ALK: variants seen among roughly 807,000 people sequenced by gnomAD.
ALK encodes the protein ALK receptor tyrosine kinase.
Under a neutral mutation model 163.1 loss-of-function variants are expected in ALK, and 74 were observed. The observed-to-expected ratio is 0.45, with a 90% confidence interval of 0.38 to 0.55. The LOEUF is 0.55. Among genes scored for constraint, ALK ranks in the 20% least tolerant of loss-of-function variants. The pLI, the probability that ALK is intolerant of heterozygous loss-of-function variation, is 0.00. For missense variants in ALK, 2,063 were observed against 2,105.3 expected, an observed-to-expected ratio of 0.98 and a Z score of 0.39; for synonymous variants, 960 against 843.2, an observed-to-expected ratio of 1.14 and a Z score of -2.40.
intron 4 of ALK, among the ~76,000 whole-genome samples, chr2:29,423,917 C>G (rs13394569): frequency 6.6e-6 from 1 of 152,170 alleles, no homozygotes; most frequent in Non-Finnish European, 1.5e-5. Flanking sequence ...CTAGCATTTT[C>G]TTTGACCAGC....
At chr2:29,587,278 C>T (rs1205210931) in intron 3 of ALK, among the ~76,000 whole-genome samples, 1 of 152,172 alleles carries the variant, frequency 6.6e-6, no homozygotes, top group East Asian at 1.9e-4. Context: ...TCACTTCTTC[C>T]TTTGACTTCT....
intron 3 of ALK, among the ~76,000 whole-genome samples, chr2:29,584,875 G>A (rs190792515): frequency 4.2e-4 from 64 of 152,276 alleles, no homozygotes; most frequent in African/African-American, 1.5e-3. Context: ...TTTCTCTCTG[G>A]TCATAGTTTC....
intron 5 of ALK, among the ~76,000 whole-genome samples, chr2:29,379,981 G>A (rs190171698): frequency 1.3e-5 from 2 of 152,274 alleles, no homozygotes; most frequent in Non-Finnish European, 2.9e-5. Flanking sequence ...TCCACAGGCT[G>A]TACAGGAAGC....
chr2:29,297,277 T>C (rs911652712), intron 8 of ALK, among the ~76,000 whole-genome samples: 1 of 152,188 alleles, frequency 6.6e-6, no homozygotes, highest in African/African-American at 2.4e-5. Context: ...ATTTTTTTTC[T>C]TGGGCAGGGA....
intron 3 of ALK, among the ~76,000 whole-genome samples, chr2:29,615,663 T>C (rs9309671): frequency 0.083 from 12,698 of 152,234 alleles, 1,005 homozygotes; most frequent in African/African-American, 0.21. Context: ...GGATCCTTCA[T>C]AGCAGGGATT....
intron 4 of ALK, among the ~76,000 whole-genome samples, chr2:29,477,332 T>G (rs1573387098): frequency 6.6e-6 from 1 of 152,192 alleles, no homozygotes; most frequent in East Asian, 1.9e-4. Flanking sequence ...CACATTTACT[T>G]AAGCTTTCTG....
intron 4 of ALK, among the ~76,000 whole-genome samples, chr2:29,522,004 C>T (rs949941463): frequency 6.6e-5 from 10 of 152,244 alleles, no homozygotes; most frequent in Admixed American, 3.9e-4. Context: ...CCATTTATTG[C>T]GGACAGGAAG....
intron 1 of ALK, among the ~76,000 whole-genome samples, chr2:29,815,936 C>G (rs1664886483): frequency 6.6e-6 from 1 of 152,198 alleles, no homozygotes; most frequent in Non-Finnish European, 1.5e-5. Context: ...TAGCTTTAAT[C>G]ACATTTTACA....
intron 1 of ALK, among the ~76,000 whole-genome samples, chr2:29,901,458 T>C (rs1667413245): frequency 6.6e-6 from 1 of 152,164 alleles, no homozygotes; most frequent in Non-Finnish European, 1.5e-5. Flanking sequence ...CTTCTGAGTG[T>C]TGCACCCGCT....
intron 1 of ALK, among the ~76,000 whole-genome samples, chr2:29,911,847 G>C (rs1234036663): frequency 6.6e-6 from 1 of 152,168 alleles, no homozygotes; most frequent in Non-Finnish European, 1.5e-5. Flanking sequence ...AATTATCAAA[G>C]ACGTGAAAGA....
intron 1 of ALK, among the ~76,000 whole-genome samples, chr2:29,745,169 GTT>G (rs1680178250): frequency 6.6e-6 from 1 of 152,184 alleles, no homozygotes; most frequent in African/African-American, 2.4e-5. Flanking sequence ...TTTCATTTCA[GTT>G]TCAATCCTGA....
intron 5 of ALK, among the ~76,000 whole-genome samples, chr2:29,339,404 G>A (rs960277101): frequency 6.6e-6 from 1 of 152,214 alleles, no homozygotes; most frequent in Non-Finnish European, 1.5e-5. Flanking sequence ...GCTGAGGCCA[G>A]TACGTCTCAA....
At chr2:29,657,997 G>T (rs1037909374) in intron 3 of ALK, among the ~76,000 whole-genome samples, 1 of 152,130 alleles carries the variant, frequency 6.6e-6, no homozygotes, top group African/African-American at 2.4e-5. Flanking sequence ...CTGGAGGGAT[G>T]GTGGGTGTCT....
rs544112802 is a variant in ALK at position 29,376,635 on chromosome 2, C to T, written c.1282+7097G>A. 3.9e-5 allele frequency among the ~76,000 whole-genome samples: 6 copies of T among 152,348 alleles called. No homozygotes were observed. In the East Asian group the frequency reaches 7.7e-4, roughly 20 times the overall value. ...GAGTTTGCTGCTGGCAGCCCCAAGA[C>T]AGAGTGCCACTGTGATCTACATTTT... On this transcript the variant is annotated intron_variant, in intron 5 of 28. Coordinates refer to ENST00000389048, the MANE Select transcript of ALK (RefSeq NM_004304.5).
At chr2:29,442,465 T>C (rs1476988764) in intron 4 of ALK, among the ~76,000 whole-genome samples, 1 of 152,168 alleles carries the variant, frequency 6.6e-6, no homozygotes, top group Admixed American at 6.5e-5. Flanking sequence ...GGAAGTGCAC[T>C]GTCTGAGAGT....
At chr2:29,229,126 G>T in intron 15 of ALK, 60 bp from the exon 16 acceptor site, 1 of 1,536,704 alleles carries the variant, frequency 6.5e-7, no homozygotes, top group Non-Finnish European at 9.0e-7. Context: ...TAGCCATGCT[G>T]GCCAGAGAAG....
At chr2:29,484,316 T>TAC (rs142241481) in intron 4 of ALK, among the ~76,000 whole-genome samples, 13 of 151,592 alleles carry the variant, frequency 8.6e-5, no homozygotes, top group Non-Finnish European at 1.2e-4. Flanking sequence ...AATGGGTCAT[T>TAC]ACACACACAC....
chr2:29,549,160 A>G (rs982471647), intron 3 of ALK, among the ~76,000 whole-genome samples: 24 of 147,912 alleles, frequency 1.6e-4, no homozygotes, highest in African/African-American at 5.6e-4. Context: ...ACACACACAC[A>G]CGCACACACA....
At chr2:29,298,848 C>T (rs944812571) in intron 8 of ALK, among the ~76,000 whole-genome samples, 1 of 152,206 alleles carries the variant, frequency 6.6e-6, no homozygotes, top group African/African-American at 2.4e-5. Flanking sequence ...CTCATTTTCT[C>T]TCCCCCAGTC....
Sources: allele counts gnomAD v4.1 joint callset (sites outside exome capture counted in the v4.1 genomes callset), GRCh38; gene constraint gnomAD v4.1.1; transcripts MANE v1.5; gene names NCBI Gene and HGNC (gene_info 2026-07-23, HGNC 2026-07-21).